The following CSNK2A2IP variants were observed in gnomAD, a reference collection of about 807,000 sequenced individuals.
CSNK2A2IP encodes the protein casein kinase II subunit alpha'-interacting protein.
the CSNK2A2IP span, among the ~76,000 whole-genome samples, chr3:88,393,892 T>C: frequency 6.6e-6 from 1 of 151,900 alleles, no homozygotes; most frequent in African/African-American, 2.4e-5. Flanking sequence ...GTACAGAGGA[T>C]GAGGAGGGTT....
the CSNK2A2IP span, among the ~76,000 whole-genome samples, chr3:88,354,542 A>C: frequency 1.3e-5 from 2 of 152,156 alleles, no homozygotes; most frequent in Non-Finnish European, 2.9e-5. Flanking sequence ...TTTAAGTGAG[A>C]GATGTTATGC....
At chr3:88,372,457 T>C in the CSNK2A2IP span, among the ~76,000 whole-genome samples, 1 of 151,412 alleles carries the variant, frequency 6.6e-6, no homozygotes, top group Admixed American at 6.6e-5. Context: ...AGTGTTAATA[T>C]CCTAGAGCAA....
the CSNK2A2IP span, among the ~76,000 whole-genome samples, chr3:88,414,544 G>A: frequency 6.6e-6 from 1 of 151,816 alleles, no homozygotes; most frequent in Non-Finnish European, 1.5e-5. Context: ...GCCTCCCAAA[G>A]TGCTAGGGTT....
At chr3:88,383,671 T>A in the CSNK2A2IP span, among the ~76,000 whole-genome samples, 1 of 136,874 alleles carries the variant, frequency 7.3e-6, no homozygotes, top group African/African-American at 2.5e-5. Flanking sequence ...TTTTTTTTTT[T>A]TTTGGGACGG....
chr3:88,345,031 T>C, the CSNK2A2IP span, among the ~76,000 whole-genome samples: 1 of 152,012 alleles, frequency 6.6e-6, no homozygotes, highest in African/African-American at 2.4e-5. Context: ...AATTATATTT[T>C]GGCTTTCAAC....
the CSNK2A2IP span, among the ~76,000 whole-genome samples, chr3:88,339,361 A>G: frequency 6.6e-6 from 1 of 152,172 alleles, no homozygotes; most frequent in Non-Finnish European, 1.5e-5. Flanking sequence ...TCCATGTTGC[A>G]AATGACATGA....
the CSNK2A2IP span, among the ~76,000 whole-genome samples, chr3:88,447,847 C>A: frequency 6.6e-6 from 1 of 151,918 alleles, no homozygotes; most frequent in Non-Finnish European, 1.5e-5. Context: ...TTTCATAGAA[C>A]AAAAATATAC....
chr3:88,450,931 GT>G, the CSNK2A2IP span, among the ~76,000 whole-genome samples: 3 of 151,968 alleles, frequency 2.0e-5, no homozygotes, highest in Non-Finnish European at 4.4e-5. Context: ...TCTCCGTATT[GT>G]TTTTTATACT....
the CSNK2A2IP span, among the ~76,000 whole-genome samples, chr3:88,428,456 A>C: frequency 1.3e-5 from 2 of 152,122 alleles, no homozygotes. Flanking sequence ...GGCCAGAGGT[A>C]GAATGATATG....
At chr3:88,378,946 TA>T in the CSNK2A2IP span, among the ~76,000 whole-genome samples, 1 of 152,088 alleles carries the variant, frequency 6.6e-6, no homozygotes, top group Non-Finnish European at 1.5e-5. Flanking sequence ...ATAACAAACA[TA>T]AAATAAATGC....
At chr3:88,446,098 CTT>C in the CSNK2A2IP span, among the ~76,000 whole-genome samples, 2 of 74,308 alleles carry the variant, frequency 2.7e-5, no homozygotes, top group Non-Finnish European at 5.5e-5. Flanking sequence ...TTCTTTCTTT[CTT>C]TTTTTCTTTC....
the CSNK2A2IP span, among the ~76,000 whole-genome samples, chr3:88,399,113 G>A: frequency 6.6e-6 from 1 of 152,066 alleles, no homozygotes; most frequent in Non-Finnish European, 1.5e-5. Context: ...GATATAGGTG[G>A]TGTTTTTTAA....
At chr3:88,359,193 C>T in the CSNK2A2IP span, among the ~76,000 whole-genome samples, 2 of 151,716 alleles carry the variant, frequency 1.3e-5, no homozygotes, top group African/African-American at 4.8e-5. Flanking sequence ...ATAATAGTCT[C>T]TATTGCTCCT....
At chr3:88,397,921 A>C in the CSNK2A2IP span, among the ~76,000 whole-genome samples, 2 of 152,108 alleles carry the variant, frequency 1.3e-5, no homozygotes, top group Non-Finnish European at 2.9e-5. Context: ...TTATTCATAA[A>C]GCAATCCTTA....
At chr3:88,395,423 C>T in the CSNK2A2IP span, among the ~76,000 whole-genome samples, 7 of 152,116 alleles carry the variant, frequency 4.6e-5, no homozygotes, top group Non-Finnish European at 8.8e-5. Flanking sequence ...TTGGTGAAAA[C>T]ATTATCTTTC....
the CSNK2A2IP span, among the ~76,000 whole-genome samples, chr3:88,369,194 G>C: frequency 2.6e-5 from 4 of 151,984 alleles, no homozygotes; most frequent in African/African-American, 9.7e-5. Flanking sequence ...TGAACAAAAA[G>C]GAGAGTGAAA....
At chr3:88,348,530 T>G in the CSNK2A2IP span, among the ~76,000 whole-genome samples, 2 of 152,076 alleles carry the variant, frequency 1.3e-5, no homozygotes, top group African/African-American at 4.8e-5. Context: ...AAACATATGA[T>G]AAATCTAAAT....
chr3:88,340,393 G>A, the CSNK2A2IP span, among the ~76,000 whole-genome samples: 5 of 151,892 alleles, frequency 3.3e-5, no homozygotes, highest in Non-Finnish European at 1.5e-5. Context: ...TTATGTACAC[G>A]GTGTTAGAGA....
At chr3:88,356,532 C>T in the CSNK2A2IP span, among the ~76,000 whole-genome samples, 3 of 152,100 alleles carry the variant, frequency 2.0e-5, no homozygotes, top group Admixed American at 6.6e-5. Flanking sequence ...CATATCTTGA[C>T]TATTGTAAAT....
Sources: allele counts gnomAD v4.1 joint callset (sites outside exome capture counted in the v4.1 genomes callset), GRCh38; gene constraint gnomAD v4.1.1; transcripts MANE v1.5; gene names NCBI Gene and HGNC (gene_info 2026-07-23, HGNC 2026-07-21).